Variants in FRMPD4 observed in about 807,000 individuals in gnomAD.
The protein encoded by FRMPD4 is FERM and PDZ domain-containing protein 4.
A neutral mutation model predicts 94.1 loss-of-function variants in FRMPD4; 22 were observed. The ratio of observed to expected loss-of-function variants is 0.23; its 90% CI spans 0.17 to 0.33. The LOEUF (loss-of-function observed/expected upper bound fraction) is 0.33, where lower values mean the gene tolerates loss of function less well. Ranked by LOEUF, FRMPD4 falls within the 10% of genes least tolerant of loss-of-function variation. FRMPD4 has a pLI of 1.00. For missense variants in FRMPD4, 1,111 were observed against 1,339.9 expected (o/e 0.83, Z 2.67); for synonymous variants, 631 against 548.6 (o/e 1.15, Z -2.10).
In FRMPD4 at chrX:12,616,640, G is replaced by A. The variant is rs150583202; in HGVS notation, c.422+1759G>A. ...TCTCCAATCTTTCTATGGACAAGGG[G>A]AGCCAGAATATAGAAAGACTCTGTA... On this transcript the variant is annotated intron_variant, in intron 4 of 16. Transcript: ENST00000675598. 1.1e-3 allele frequency among the ~76,000 whole-genome samples: 120 copies of A among 112,350 alleles called. 2 individuals carry two copies. In the East Asian group the frequency reaches 0.031, roughly 29 times the overall value.
intron 1 of FRMPD4, among the ~76,000 whole-genome samples, chrX:12,337,201 A>T (rs1252686231): frequency 8.9e-6 from 1 of 112,233 alleles, no homozygotes; most frequent in Non-Finnish European, 1.9e-5. Flanking sequence ...TAATGCCAAA[A>T]TTAAAGATGA....
intron 1 of FRMPD4, among the ~76,000 whole-genome samples, chrX:11,857,183 T>C (rs2053658396): frequency 9.0e-6 from 1 of 111,614 alleles, no homozygotes; most frequent in South Asian, 3.7e-4. Context: ...CCATTAACAT[T>C]CTTCAGAGAA....
chrX:12,213,518 T>C (rs1191163046), intron 1 of FRMPD4, among the ~76,000 whole-genome samples: 2 of 112,248 alleles, frequency 1.8e-5, no homozygotes, highest in Non-Finnish European at 3.8e-5. Context: ...GCAGCATTAA[T>C]ATCCTGAGAG....
intron 4 of FRMPD4, among the ~76,000 whole-genome samples, chrX:12,647,480 G>T (rs2059558600): frequency 9.0e-6 from 1 of 111,031 alleles, no homozygotes; most frequent in African/African-American, 3.3e-5. Flanking sequence ...TCCTCTGTGG[G>T]GTCATTCCCC....
chrX:12,342,523 T>C lies in FRMPD4; in HGVS notation c.42-156157T>C, dbSNP rs147283837. Among the ~76,000 whole-genome samples the C allele has an allele frequency of 4.8e-3, 533 of 111,912 alleles. 4 individuals carry two copies. Among genetic ancestry groups the C allele is most frequent in the African/African-American group, 0.017 (515 of 30,789 alleles). ...TGGGGTCACGGGTGGGTGTGGTCTA[T>C]TCTAGCTGAGAAGAGGACATTGGAG... On this transcript the variant is annotated intron_variant, in intron 1 of 16. Transcript: ENST00000675598.
chrX:12,091,071 A>G (rs574110711), intron 3 of FRMPD4, among the ~76,000 whole-genome samples: 2 of 112,329 alleles, frequency 1.8e-5, no homozygotes, highest in Middle Eastern at 9.2e-3. Context: ...AAATGTGCCT[A>G]CAACAACATT....
chrX:11,847,480 C>T (rs1396845264), intron 1 of FRMPD4, among the ~76,000 whole-genome samples: 1 of 107,685 alleles, frequency 9.3e-6, no homozygotes, highest in Non-Finnish European at 1.9e-5. Context: ...GTGGCGATTC[C>T]TCAGGGATCT....
chrX:12,043,125 A>G (rs980739399), intron 3 of FRMPD4, among the ~76,000 whole-genome samples: 17 of 111,527 alleles, frequency 1.5e-4, no homozygotes, highest in African/African-American at 5.5e-4. Flanking sequence ...TGGAGCTCTG[A>G]AATGGTTGTT....
intron 3 of FRMPD4, among the ~76,000 whole-genome samples, chrX:12,068,364 G>A (rs775433565): frequency 4.6e-5 from 5 of 108,394 alleles, no homozygotes; most frequent in South Asian, 7.8e-4. Flanking sequence ...AGAAACTAAC[G>A]CAATAAAAAT....
At chrX:12,305,747 T>TTTTTTTTTTTTTTTTTTG (rs1569225517) in intron 1 of FRMPD4, among the ~76,000 whole-genome samples, 2 of 91,725 alleles carry the variant, frequency 2.2e-5, no homozygotes, top group Admixed American at 2.7e-4. Flanking sequence ...TTTTTTTTTT[T>TTTTTTTTTTTTTTTTTTG]ACAGAGACAG....
intron 1 of FRMPD4, among the ~76,000 whole-genome samples, chrX:12,348,464 C>T (rs768790824): frequency 1.3e-4 from 14 of 110,561 alleles, no homozygotes; most frequent in African/African-American, 3.3e-4. Flanking sequence ...GAATTCCAAC[C>T]GTGCCCAAAG....
chrX:12,625,389 A>G, intron 4 of FRMPD4, among the ~76,000 whole-genome samples: 1 of 112,012 alleles, frequency 8.9e-6, no homozygotes, highest in Non-Finnish European at 1.9e-5. Context: ...AATCAACCTA[A>G]GTGTTCATCA....
intron 3 of FRMPD4, among the ~76,000 whole-genome samples, chrX:12,059,147 C>T (rs927621404): frequency 9.0e-6 from 1 of 111,606 alleles, no homozygotes; most frequent in African/African-American, 3.3e-5. Context: ...TTAAGAAGAA[C>T]GTACATTCTC....
intron 3 of FRMPD4, among the ~76,000 whole-genome samples, chrX:11,904,791 G>A (rs1157255427): frequency 8.9e-6 from 1 of 112,284 alleles, no homozygotes; most frequent in African/African-American, 3.2e-5. Flanking sequence ...TGTACTCATA[G>A]CCCTTGAGCT....
At chrX:11,932,087 C>A (rs759646663) in intron 3 of FRMPD4, among the ~76,000 whole-genome samples, 3 of 111,902 alleles carry the variant, frequency 2.7e-5, no homozygotes, top group Non-Finnish European at 5.6e-5. Context: ...AGAGTGCATA[C>A]ATATACCACA....
At chrX:12,372,935 C>A (rs1210090188) in intron 1 of FRMPD4, among the ~76,000 whole-genome samples, 1 of 111,730 alleles carries the variant, frequency 9.0e-6, no homozygotes, top group Non-Finnish European at 1.9e-5. Flanking sequence ...GTCCTCAGGA[C>A]AAGCAAGGAG....
rs374670611 is a variant in FRMPD4 at position 12,280,247 on chromosome X, A to AAATAATAATAATAATAATAAT, written c.41+141247_41+141267dup. ...CTACATATTTAGTAAGGCTGCTTTA[A>AAATAATAATAATAATAATAAT]AATAATAATAATAATAATAATAATA... On this transcript the variant is annotated intron_variant, in intron 1 of 16. Transcript: ENST00000675598. Among the ~76,000 whole-genome samples the AAATAATAATAATAATAATAAT allele has an allele frequency of 6.7e-4, 68 of 102,215 alleles. 1 individual carries two copies. Among genetic ancestry groups the AAATAATAATAATAATAATAAT allele is most frequent in the East Asian group, 2.8e-3 (9 of 3,194 alleles). The allele number at this position is 102,215 out of a possible 115,157, so 88.8% of individuals were successfully genotyped here. A position where few individuals can be genotyped will look rare whatever the true frequency, so the allele number is the denominator to read the frequency against.
At chrX:12,400,102 A>T (rs2148051583) in intron 1 of FRMPD4, among the ~76,000 whole-genome samples, 1 of 112,136 alleles carries the variant, frequency 8.9e-6, no homozygotes, top group Admixed American at 9.4e-5. Context: ...AAAGTGACGC[A>T]GGCATACTAC....
At chrX:12,678,306 T>C (rs1185999863) in intron 5 of FRMPD4, among the ~76,000 whole-genome samples, 1 of 112,576 alleles carries the variant, frequency 8.9e-6, no homozygotes, top group Non-Finnish European at 1.9e-5. Context: ...TCTTAATCTG[T>C]AGTTAGTATT....
Sources: allele counts gnomAD v4.1 joint callset (sites outside exome capture counted in the v4.1 genomes callset), GRCh38; gene constraint gnomAD v4.1.1; transcripts MANE v1.5; gene names NCBI Gene and HGNC (gene_info 2026-07-23, HGNC 2026-07-21).